ANKRD18A: variants seen among roughly 807,000 people sequenced by gnomAD.
The protein encoded by ANKRD18A is ankyrin repeat domain-containing protein 18A.
ANKRD18A carries 72 observed loss-of-function variants against 110.6 expected under a neutral mutation model. The ratio of observed to expected loss-of-function variants is 0.65; its 90% CI spans 0.54 to 0.79. The LOEUF (loss-of-function observed/expected upper bound fraction) is 0.79, where lower values mean the gene tolerates loss of function less well. Ranked by LOEUF, ANKRD18A falls within the 30% of genes least tolerant of loss-of-function variation. The pLI is 0.00. For missense variants in ANKRD18A, 934 were observed against 1,163.3 expected (o/e 0.80, Z 2.87); for synonymous variants, 305 against 410.3 (o/e 0.74, Z 3.10).
In ANKRD18A at chr9:38,615,666, G is replaced by A. The variant is rs763666881; in HGVS notation, c.423C>T (p.Ala141=). ...DIYGNTALHY[A]VYNKGTSLAE... is the part of the protein sequence containing the mutation. Reference sequence around the variant, plus strand: ...CCAGTGAAGTCCCCTTATTATACACGGCATAATGGAGAGCAGTGTTGCCGT... The same window carrying A: ...CCAGTGAAGTCCCCTTATTATACACAGCATAATGGAGAGCAGTGTTGCCGT... The change falls in exon 3 of 16, where the codon GCC becomes GCT. Residue 141 remains alanine (A), a synonymous_variant. Transcript: ENST00000399703. 15 of 1,611,970 alleles carry A rather than the reference G, an allele frequency of 9.3e-6. No individual in the cohort carries two copies. Among genetic ancestry groups the A allele is most frequent in the African/African-American group, 2.7e-5 (2 of 74,968 alleles).
intron 12 of ANKRD18A, among the ~76,000 whole-genome samples, chr9:38,583,823 A>G (rs1824262092): frequency 6.6e-6 from 1 of 152,238 alleles, no homozygotes; most frequent in African/African-American, 2.4e-5. Context: ...TTTAGTACTG[A>G]TACTGATAGA....
chr9:38,605,191 A>G (rs1159555373), intron 6 of ANKRD18A, among the ~76,000 whole-genome samples: 1 of 152,214 alleles, frequency 6.6e-6, no homozygotes, highest in African/African-American at 2.4e-5. Context: ...GGTAATAACA[A>G]TCTCCCAACT....
At chr9:38,603,441 T>C (rs1825218309) in intron 6 of ANKRD18A, among the ~76,000 whole-genome samples, 1 of 152,136 alleles carries the variant, frequency 6.6e-6, no homozygotes, top group African/African-American at 2.4e-5. Context: ...ATCCTCCATC[T>C]ATCCTCTACA....
At chr9:38,605,462 G>A (rs635955) in intron 6 of ANKRD18A, among the ~76,000 whole-genome samples, 43,386 of 152,046 alleles carry the variant, frequency 0.29, 6,901 homozygotes, top group East Asian at 0.43. Flanking sequence ...TATGTACTAA[G>A]TTAACGGTGT....
At chr9:38,606,392 C>T (rs1825359826) in intron 6 of ANKRD18A, among the ~76,000 whole-genome samples, 1 of 152,150 alleles carries the variant, frequency 6.6e-6, no homozygotes, top group Non-Finnish European at 1.5e-5. Context: ...TCCTCCTCAG[C>T]CTAATCAACC....
intron 15 of ANKRD18A, among the ~76,000 whole-genome samples, chr9:38,573,338 C>T (rs1823735183): frequency 6.6e-6 from 1 of 152,078 alleles, no homozygotes; most frequent in Non-Finnish European, 1.5e-5. Flanking sequence ...CTGTGTAATG[C>T]TATTTAGAGT....
chr9:38,597,644 C>CA (rs1356321267), intron 8 of ANKRD18A, among the ~76,000 whole-genome samples: 2 of 152,122 alleles, frequency 1.3e-5, no homozygotes, highest in African/African-American at 4.8e-5. Flanking sequence ...ATAAATACAT[C>CA]AAATTTGTCA....
At chr9:38,606,919 CTGTT>C (rs1300486308) in intron 6 of ANKRD18A, among the ~76,000 whole-genome samples, 6 of 152,066 alleles carry the variant, frequency 3.9e-5, no homozygotes, top group Non-Finnish European at 2.9e-5. Context: ...TCAGACAATA[CTGTT>C]TGAGATTGAG....
intron 8 of ANKRD18A, among the ~76,000 whole-genome samples, chr9:38,599,225 C>T (rs1365239896): frequency 3.9e-5 from 6 of 152,120 alleles, no homozygotes; most frequent in Non-Finnish European, 8.8e-5. Context: ...ATAAATGCAA[C>T]GATAAGACCT....
downstream of ANKRD18A, chr9:38,568,769 C>T: frequency 1.0e-6 from 1 of 985,380 alleles, no homozygotes; most frequent in Non-Finnish European, 1.2e-6. Context: ...AGGCTGAGTC[C>T]CCTGGGTGGT....
chr9:38,610,295 C>T lies in ANKRD18A; in HGVS notation c.718G>A (p.Ala240Thr). ...TACCTTCTCAAATCAGAACAAAGAGCATAATCCTCGGCAGTTTGGCCAAAC... is the reference window on the plus strand; with the variant it reads ...TACCTTCTCAAATCAGAACAAAGAGTATAATCCTCGGCAGTTTGGCCAAAC... ...DMFGQTAEDYALCSDLRSIRQ... is the reference protein window; with the variant it reads ...DMFGQTAEDYTLCSDLRSIRQ... The change falls in exon 5 of 16, where the codon GCT becomes ACT. Residue 240 changes from alanine (A) to threonine (T), a missense_variant. By Grantham distance (58) the Ala-to-Thr change is moderately conservative. Around this residue, in one of 4 missense-constraint regions of ANKRD18A, gnomAD observed 630 missense variants for 797.5 expected, o/e 0.79. Coordinates refer to ENST00000399703, the MANE Select transcript of ANKRD18A (RefSeq NM_147195.4). 2 of 1,548,360 alleles carry T rather than the reference C, an allele frequency of 1.3e-6. No homozygotes were observed. The highest frequency in any genetic ancestry group is 1.4e-5 in the African/African-American group (1 of 72,980).
At chr9:38,616,074 T>C (rs1460425733) in intron 1 of ANKRD18A, 30 bp from the exon 2 acceptor site, 7 of 1,487,398 alleles carry the variant, frequency 4.7e-6, no homozygotes, top group East Asian at 4.8e-5. Context: ...TTTCAGGAAA[T>C]GTAGTGCAAT....
At chr9:38,580,876 C>T (rs1180420355) in intron 12 of ANKRD18A, among the ~76,000 whole-genome samples, 9 of 151,392 alleles carry the variant, frequency 5.9e-5, no homozygotes, top group Non-Finnish European at 1.3e-4. Flanking sequence ...CGAACTCAGC[C>T]CCCAGATTGT....
chr9:38,568,722 T>G, downstream of ANKRD18A: 1 of 985,176 alleles, frequency 1.0e-6, no homozygotes, highest in Non-Finnish European at 1.2e-6. Context: ...GCTTGTCCTG[T>G]CTTGGGCCAA....
chr9:38,615,090 C>T (rs1344497132), intron 3 of ANKRD18A, among the ~76,000 whole-genome samples: 1 of 152,196 alleles, frequency 6.6e-6, no homozygotes, highest in Non-Finnish European at 1.5e-5. Context: ...AAAACCTCTT[C>T]TTGGCATTTT....
chr9:38,595,695 G>T lies in ANKRD18A; in HGVS notation c.1645C>A (p.Gln549Lys), dbSNP rs1824846638. 1.3e-6 allele frequency: 2 copies of T among 1,551,140 alleles called. No individual in the cohort carries two copies. The highest frequency in any genetic ancestry group is 1.4e-5 in the African/African-American group (1 of 72,978). Reference protein sequence around the residue: ...QNSLEERIRQQELENLLLERQ... With the variant: ...QNSLEERIRQKELENLLLERQ... ...TCAAGCAAGAGATTTTCAAGTTCTT[G>T]TTGACGTATTCTCTCCTCTAAAGAG... The change falls in exon 9 of 16, where the codon CAA becomes AAA. Residue 549 changes from glutamine (Q) to lysine (K), a missense_variant. Physicochemically the swap from Gln to Lys is moderately conservative, Grantham distance 53 (BLOSUM62 1). Around this residue, in one of 4 missense-constraint regions of ANKRD18A, gnomAD observed 630 missense variants for 797.5 expected, o/e 0.79. Coordinates refer to ENST00000399703, the MANE Select transcript of ANKRD18A (RefSeq NM_147195.4).
chr9:38,590,722 T>G (rs1375434017), intron 10 of ANKRD18A, among the ~76,000 whole-genome samples: 1 of 152,180 alleles, frequency 6.6e-6, no homozygotes, highest in African/African-American at 2.4e-5. Context: ...CTTCAGTAAG[T>G]AGAGATCTCC....
intron 11 of ANKRD18A, among the ~76,000 whole-genome samples, chr9:38,586,576 T>C (rs1305368558): frequency 6.6e-6 from 1 of 152,052 alleles, no homozygotes; most frequent in Non-Finnish European, 1.5e-5. Context: ...TTTGTTTTTG[T>C]TTTTTGAGAT....
rs191072933 is a variant in ANKRD18A, at chr9:38,577,539, A to C, written c.2530-275T>G. Among the ~76,000 whole-genome samples the C allele has an allele frequency of 2.8e-3, 426 of 152,300 alleles. 4 individuals carry two copies. The highest frequency in any genetic ancestry group is 3.6e-3 in the Non-Finnish European group (246 of 67,990). The stretch of plus-strand genomic sequence containing the variant: ...ATCCATTTATAATTTTAAAAAGTGA[A>C]CAATGAACAACGTAGCTTAAGACCA... On this transcript the variant is annotated intron_variant, in intron 13 of 15. Transcript: ENST00000399703.
Sources: gnomAD v4.1 joint callset for allele counts (sites outside exome capture counted in the v4.1 genomes callset) on GRCh38, gnomAD v4.1.1 for gene constraint, gnomAD v4.1.1 regional missense constraint, MANE v1.5 for transcripts, NCBI Gene and HGNC (gene_info 2026-07-23, HGNC 2026-07-21) for gene names.